ZNF138: variants seen among roughly 807,000 people sequenced by gnomAD.
ZNF138 encodes zinc finger protein 138 (clone pHZ-32).
Under a neutral mutation model 33.0 loss-of-function variants are expected in ZNF138, and 33 were observed. The observed-to-expected ratio is 1.00, with a 90% CI of 0.76 to 1.34. ZNF138 has a LOEUF of 1.34. ZNF138 is among the 40% of genes most tolerant of loss of function. The pLI, the probability that ZNF138 is intolerant of heterozygous loss-of-function variation, is 0.00. For synonymous variants in ZNF138, 139 were observed against 120.4 expected, an observed-to-expected ratio of 1.15 and a Z score of -1.01; for missense variants, 360 against 370.8, an observed-to-expected ratio of 0.97 and a Z score of 0.24.
At chr7:64,852,329 T>G in the ZNF138 span, 1 of 1,079,194 alleles carries the variant, frequency 9.3e-7, no homozygotes, top group Non-Finnish European at 1.4e-6. Context: ...TAGTCTTTAA[T>G]TGAAGCGATG....
intron 3 of ZNF138, among the ~76,000 whole-genome samples, chr7:64,829,001 A>G (rs1021345524): frequency 2.6e-5 from 4 of 152,052 alleles, no homozygotes; most frequent in African/African-American, 9.7e-5. Context: ...TACTATCTAT[A>G]TATTTGTGAA....
chr7:64,846,424 G>A, the ZNF138 span, among the ~76,000 whole-genome samples: 20 of 152,126 alleles, frequency 1.3e-4, no homozygotes, highest in African/African-American at 4.1e-4. Flanking sequence ...TGCTTGTGTC[G>A]TGTATGATTT....
the ZNF138 span, among the ~76,000 whole-genome samples, chr7:64,845,516 G>C: frequency 6.6e-6 from 1 of 152,190 alleles, no homozygotes; most frequent in East Asian, 1.9e-4. Flanking sequence ...TTTTCATAGT[G>C]GTTGTGCTAG....
rs546166003 is a variant in ZNF138, at chr7:64,826,406, A to G, written c.209-5045A>G. On this transcript the variant is annotated intron_variant, in intron 3 of 3. Transcript: ENST00000307355. Reference sequence around the variant, plus strand: ...GCGATTCTTCTGCCTTGGCCTCCCAAGTAGCTGGGATTACAGGCATGCACC... The same window carrying G: ...GCGATTCTTCTGCCTTGGCCTCCCAGGTAGCTGGGATTACAGGCATGCACC... 3.2e-4 allele frequency among the ~76,000 whole-genome samples: 49 copies of G among 152,152 alleles called. No individual in the cohort carries two copies. In the East Asian group the frequency reaches 9.3e-3, roughly 29 times the overall value.
rs1053113471 is a variant in ZNF138 at position 64,832,534 on chromosome 7, C to T, written c.*332C>T. ...GAATGCGGAAAAGCCTTTAACTGGT[C>T]CTCAACTCTTATTACACATAAGATA... On this transcript the variant is annotated 3_prime_UTR_variant, in exon 4 of 4. Transcript: ENST00000307355. The T allele has an allele frequency of 7.4e-6, 5 of 673,798 alleles. No individual in the cohort carries two copies. The highest frequency in any genetic ancestry group is 1.2e-5 in the Non-Finnish European group (5 of 427,754). 41.7% of individuals were successfully genotyped at this position (673,798 alleles called of 1,614,324 possible). A position where few individuals can be genotyped will look rare whatever the true frequency, so the allele number is the denominator to read the frequency against.
intron 1 of ZNF138, among the ~76,000 whole-genome samples, chr7:64,810,284 C>G (rs1397083540): frequency 1.3e-5 from 2 of 150,648 alleles, no homozygotes; most frequent in East Asian, 2.0e-4. Flanking sequence ...AGCGAAACCC[C>G]GTCTCCACCA....
intron 3 of ZNF138, among the ~76,000 whole-genome samples, chr7:64,819,246 C>A (rs981657901): frequency 4.6e-5 from 7 of 151,282 alleles, no homozygotes; most frequent in Non-Finnish European, 1.0e-4. Flanking sequence ...TTTCAATGGT[C>A]GTTTTATTTT....
At chr7:64,827,311 AAT>A (rs1789714132) in intron 3 of ZNF138, among the ~76,000 whole-genome samples, 5 of 151,336 alleles carry the variant, frequency 3.3e-5, no homozygotes, top group Non-Finnish European at 7.4e-5. Flanking sequence ...GCAGTGGCAC[AAT>A]CTCGGTTCAC....
intron 1 of ZNF138, chr7:64,814,141 ATTAGCGGTGAG>A (rs1379770669): frequency 6.7e-6 from 8 of 1,185,900 alleles, no homozygotes; most frequent in Middle Eastern, 3.7e-4. Flanking sequence ...AAACATTGAC[ATTAGCGGTGAG>A]CTTGTTAGAA....
chr7:64,818,611 A>G (rs1297244979), intron 3 of ZNF138, among the ~76,000 whole-genome samples: 2 of 151,958 alleles, frequency 1.3e-5, no homozygotes, highest in Non-Finnish European at 1.5e-5. Flanking sequence ...TTAGCTGCGC[A>G]TGGTGTCGCA....
chr7:64,831,136 C>G, intron 3 of ZNF138: 1 of 1,538,168 alleles, frequency 6.5e-7, no homozygotes, highest in Non-Finnish European at 8.8e-7. Flanking sequence ...CAGTTTACTT[C>G]TAGAGGCACT....
chr7:64,849,039 A>C, the ZNF138 span, among the ~76,000 whole-genome samples: 1 of 152,180 alleles, frequency 6.6e-6, no homozygotes, highest in East Asian at 1.9e-4. Context: ...TTGTCATACT[A>C]CCAGAATTGT....
At chr7:64,824,108 C>T (rs1275767744) in intron 3 of ZNF138, among the ~76,000 whole-genome samples, 1 of 152,200 alleles carries the variant, frequency 6.6e-6, no homozygotes, top group Non-Finnish European at 1.5e-5. Flanking sequence ...CTCCAAACCT[C>T]ATGCTGCAAT....
At chr7:64,809,638 G>A (rs1295767706) in intron 1 of ZNF138, among the ~76,000 whole-genome samples, 6 of 148,534 alleles carry the variant, frequency 4.0e-5, no homozygotes, top group East Asian at 4.1e-4. Flanking sequence ...GCTGCCGGGC[G>A]GAGACGCTCC....
intron 1 of ZNF138, among the ~76,000 whole-genome samples, chr7:64,797,124 T>C: frequency 6.6e-6 from 1 of 151,408 alleles, no homozygotes; most frequent in East Asian, 1.9e-4. Context: ...TTATACAGAT[T>C]CATGAAAATA....
rs778165267 is a variant in ZNF138 at position 64,831,880 on chromosome 7, C to G, written c.638C>G (p.Pro213Arg). The G allele has an allele frequency of 1.9e-6, 3 of 1,613,472 alleles. No homozygotes were observed. Among genetic ancestry groups the G allele is most frequent in the Non-Finnish European group, 2.5e-6 (3 of 1,179,826 alleles). ...TFNWSTNLSK[P>R]KKIHTGEKPY... ...AACTGGTCCACAAACCTTTCTAAACCTAAGAAAATTCATACTGGAGAAAAA... is the reference window on the plus strand; with the variant it reads ...AACTGGTCCACAAACCTTTCTAAACGTAAGAAAATTCATACTGGAGAAAAA... Residue 213 changes from proline (P) to arginine (R), a missense_variant, in exon 4 of 4, where the codon CCT becomes CGT. Physicochemically the swap from Pro to Arg is moderately radical, Grantham distance 103 (BLOSUM62 -2). Transcript: ENST00000307355.
At chr7:64,821,487 A>G (rs1016735778) in intron 3 of ZNF138, among the ~76,000 whole-genome samples, 4 of 151,588 alleles carry the variant, frequency 2.6e-5, no homozygotes, top group African/African-American at 9.8e-5. Context: ...ATCATTTTTA[A>G]TGAAAATTTA....
Position 64,832,265 on chromosome 7 carries a change from C to A in ZNF138, c.*63C>A. ...AAGCCTACAAATGTGAAGAATGTGG[C>A]AAAGCCTTTAACCAGTTTTCAACCC... On this transcript the variant is annotated 3_prime_UTR_variant, in exon 4 of 4. Coordinates refer to ENST00000307355, the MANE Select transcript of ZNF138 (RefSeq NM_001271639.2). 6.2e-7 allele frequency: 1 copy of A among 1,600,348 alleles called. No homozygotes were observed. Among genetic ancestry groups the A allele is most frequent in the Non-Finnish European group, 8.5e-7 (1 of 1,175,606 alleles).
At chr7:64,826,092 C>T (rs1050682538) in intron 3 of ZNF138, among the ~76,000 whole-genome samples, 2 of 152,106 alleles carry the variant, frequency 1.3e-5, no homozygotes, top group African/African-American at 4.8e-5. Flanking sequence ...CCCCCTTGGC[C>T]TCCCAAAACC....
Sources: gnomAD v4.1 joint callset for allele counts (sites outside exome capture counted in the v4.1 genomes callset) on GRCh38, gnomAD v4.1.1 for gene constraint, MANE v1.5 for transcripts, NCBI Gene and HGNC (gene_info 2026-07-23, HGNC 2026-07-21) for gene names.